AGBL1: variants seen among roughly 807,000 people sequenced by gnomAD.
AGBL1 encodes the protein cytosolic carboxypeptidase 4.
In AGBL1, 130 loss-of-function variants were observed where a neutral mutation model predicts 118.9. The observed-to-expected ratio is 1.09, with a 90% CI of 0.95 to 1.26. The LOEUF (loss-of-function observed/expected upper bound fraction) is 1.26. Ranked by LOEUF, AGBL1 falls within the 50% of genes most tolerant of loss-of-function variation. The pLI is 0.00. For missense variants in AGBL1, 1,584 were observed against 1,298.1 expected (o/e 1.22, Z -3.38); for synonymous variants, 555 against 478.9 (o/e 1.16, Z -2.08).
intron 7 of AGBL1, among the ~76,000 whole-genome samples, chr15:86,248,242 A>C (rs1049871510): frequency 6.6e-6 from 1 of 152,162 alleles, no homozygotes; most frequent in African/African-American, 2.4e-5. Context: ...GCTTGAACTC[A>C]GGAGGCAGAT....
chr15:86,188,934 A>G (rs76719197), intron 5 of AGBL1, among the ~76,000 whole-genome samples: 5,115 of 152,276 alleles, frequency 0.034, 128 homozygotes, highest in East Asian at 0.092. Flanking sequence ...AAGCTGTTTG[A>G]TCTTTGAAGA....
At chr15:86,790,538 A>T (rs2141328620) in intron 22 of AGBL1, among the ~76,000 whole-genome samples, 1 of 152,302 alleles carries the variant, frequency 6.6e-6, no homozygotes, top group South Asian at 2.1e-4. Flanking sequence ...TTGCTATTTG[A>T]ACCTCTTTTC....
At chr15:86,779,502 G>A (rs970529283) in intron 22 of AGBL1, among the ~76,000 whole-genome samples, 36 of 152,158 alleles carry the variant, frequency 2.4e-4, no homozygotes, top group African/African-American at 7.9e-4. Flanking sequence ...TTATAAATAG[G>A]GCTGCTATGA....
rs370026182 is a variant in AGBL1, at chr15:86,556,217, G to A, written c.2994+1680G>A. 1.7e-4 allele frequency: 278 copies of A among 1,611,408 alleles called. 1 individual carries two copies. The highest frequency in any genetic ancestry group is 2.3e-4 in the Non-Finnish European group (267 of 1,178,056). On this transcript the variant is annotated intron_variant, in intron 21 of 22. Coordinates refer to ENST00000614907, the MANE Select transcript of AGBL1 (RefSeq NM_001386094.1). ...TTCAGGCCCTCACCAACTCTCTACT[G>A]TGCAGTGTACACAGAGGCTGTTGGA...
intron 21 of AGBL1, among the ~76,000 whole-genome samples, chr15:86,561,577 T>A (rs900206780): frequency 6.6e-6 from 1 of 152,204 alleles, no homozygotes; most frequent in Non-Finnish European, 1.5e-5. Flanking sequence ...TAGTTTGAAG[T>A]CAGGTAGTGT....
At chr15:86,670,053 C>A (rs910828373) in intron 21 of AGBL1, among the ~76,000 whole-genome samples, 5 of 152,100 alleles carry the variant, frequency 3.3e-5, no homozygotes, top group African/African-American at 1.2e-4. Flanking sequence ...CTCAGTCATT[C>A]CTCGCCTATT....
intron 21 of AGBL1, among the ~76,000 whole-genome samples, chr15:86,646,438 G>T (rs530576859): frequency 6.6e-6 from 1 of 152,206 alleles, no homozygotes; most frequent in Admixed American, 6.5e-5. Flanking sequence ...TCATAGAAAA[G>T]GTTTTGTTTT....
chr15:86,583,017 TA>T (rs536768518), intron 21 of AGBL1, among the ~76,000 whole-genome samples: 94 of 151,044 alleles, frequency 6.2e-4, no homozygotes, highest in African/African-American at 2.1e-3. Context: ...ATAATAACAA[TA>T]AAAAAAAGTT....
intron 22 of AGBL1, among the ~76,000 whole-genome samples, chr15:86,766,222 G>A (rs1051505301): frequency 3.3e-5 from 5 of 151,868 alleles, no homozygotes; most frequent in Non-Finnish European, 7.4e-5. Flanking sequence ...CCCAAGTGGT[G>A]CAGCTCCAGA....
At chr15:86,173,477 T>C (rs931441595) in intron 5 of AGBL1, among the ~76,000 whole-genome samples, 4 of 152,182 alleles carry the variant, frequency 2.6e-5, no homozygotes, top group African/African-American at 7.2e-5. Context: ...TGTGTTTTTG[T>C]TGCCTGTGCT....
At chr15:86,706,696 CA>C (rs1373169912) in intron 22 of AGBL1, among the ~76,000 whole-genome samples, 3 of 152,132 alleles carry the variant, frequency 2.0e-5, no homozygotes, top group Non-Finnish European at 4.4e-5. Flanking sequence ...CCTTACAAGA[CA>C]AATGCATCCC....
rs1398125877 is a variant in AGBL1, at chr15:86,121,775, T to C, written c.52-20229T>C. On this transcript the variant is annotated intron_variant, in intron 1 of 22. Coordinates refer to ENST00000614907, the MANE Select transcript of AGBL1 (RefSeq NM_001386094.1). ...AAGGCAGCCTCTCAGAGGTTAATCT[T>C]TGAACACACTCTTAGGTTTACTTAG... Among the ~76,000 whole-genome samples the C allele has an allele frequency of 3.3e-5, 5 of 152,200 alleles. No homozygotes were observed. In the East Asian group the frequency reaches 9.6e-4, roughly 29 times the overall value.
At chr15:86,311,724 T>C (rs1272184411) in intron 17 of AGBL1, among the ~76,000 whole-genome samples, 2 of 152,170 alleles carry the variant, frequency 1.3e-5, no homozygotes, top group African/African-American at 2.4e-5. Context: ...GTCACCTGTA[T>C]CCAACATCAA....
At chr15:87,026,625 A>C (rs2081729338) in intron 24 of AGBL1, among the ~76,000 whole-genome samples, 1 of 152,132 alleles carries the variant, frequency 6.6e-6, no homozygotes, top group African/African-American at 2.4e-5. Flanking sequence ...CTATCATTTG[A>C]TCCAGCAATC....
intron 1 of AGBL1, among the ~76,000 whole-genome samples, chr15:86,105,913 G>T (rs1897026018): frequency 6.6e-6 from 1 of 152,192 alleles, no homozygotes; most frequent in Non-Finnish European, 1.5e-5. Context: ...AAGTTACATG[G>T]AATATCTGGA....
chr15:86,452,255 T>C (rs545370141), intron 18 of AGBL1, among the ~76,000 whole-genome samples: 28 of 152,278 alleles, frequency 1.8e-4, no homozygotes, highest in African/African-American at 6.5e-4. Flanking sequence ...TGGCCACATG[T>C]TTGTCCCTTA....
At position 86,418,114 on chromosome 15, in the gene AGBL1, T is replaced by C. The variant is rs147624592; in HGVS notation, c.2555+20568T>C. Among the ~76,000 whole-genome samples, 485 of 152,322 alleles carry C rather than the reference T, an allele frequency of 3.2e-3. 1 individual carries two copies. Among genetic ancestry groups the C allele is most frequent in the African/African-American group, 0.011 (457 of 41,556 alleles). On this transcript the variant is annotated intron_variant, in intron 18 of 22. Coordinates refer to ENST00000614907, the MANE Select transcript of AGBL1 (RefSeq NM_001386094.1). ...GAATCTGCTATCCATTTCATTTGGC[T>C]TTCTACTAATTTACATGGAAACTTC...
Position 86,565,126 on chromosome 15 carries a change from C to G in AGBL1, c.2994+10589C>G, listed in dbSNP as rs564905362. Among the ~76,000 whole-genome samples, 8 of 152,346 alleles carry G rather than the reference C, an allele frequency of 5.3e-5. No homozygotes were observed. In the South Asian group the frequency reaches 1.7e-3, roughly 32 times the overall value. ...TTGATCGTCTGAAGCCTTCTTCTCT[C>G]AAATCGTCAAAGTCATTCTCTGTCC... On this transcript the variant is annotated intron_variant, in intron 21 of 22. Coordinates refer to ENST00000614907, the MANE Select transcript of AGBL1 (RefSeq NM_001386094.1).
chr15:86,563,101 G>A (rs1352265017), intron 21 of AGBL1, among the ~76,000 whole-genome samples: 2 of 152,068 alleles, frequency 1.3e-5, no homozygotes, highest in Non-Finnish European at 2.9e-5. Flanking sequence ...CCAGCTCCTG[G>A]ATTCACTGAT....
Sources: allele counts gnomAD v4.1 joint callset (sites outside exome capture counted in the v4.1 genomes callset), GRCh38; gene constraint gnomAD v4.1.1; transcripts MANE v1.5; gene names NCBI Gene and HGNC (gene_info 2026-07-23, HGNC 2026-07-21).